ITGB6: variants seen among roughly 807,000 people sequenced by gnomAD.
ITGB6 encodes integrin beta-6.
In ITGB6, 80 loss-of-function variants were observed where a neutral mutation model predicts 84.5. The observed-to-expected ratio is 0.95, with a 90% confidence interval of 0.79 to 1.14. The LOEUF (loss-of-function observed/expected upper bound fraction) is 1.14. Ranked by LOEUF, ITGB6 falls within the 50% of genes most tolerant of loss-of-function variation. ITGB6 has a pLI of 0.00. For missense variants in ITGB6, 1,006 were observed against 968.0 expected, an observed-to-expected ratio of 1.04 and a Z score of -0.52; for synonymous variants, 383 against 354.9, an observed-to-expected ratio of 1.08 and a Z score of -0.89.
At chr2:160,131,625 C>A (rs1574065630) in intron 10 of ITGB6, among the ~76,000 whole-genome samples, 1 of 152,244 alleles carries the variant, frequency 6.6e-6, no homozygotes, top group East Asian at 1.9e-4. Context: ...TTTCATTATA[C>A]CATTTGAAAG....
At chr2:160,128,262 G>A (rs567820581) in intron 10 of ITGB6, among the ~76,000 whole-genome samples, 15 of 129,886 alleles carry the variant, frequency 1.2e-4, no homozygotes, top group African/African-American at 4.1e-4. Context: ...TGAAAGATAC[G>A]GGTAGACAAT....
chr2:160,198,220 AT>A (rs979444703), intron 2 of ITGB6, among the ~76,000 whole-genome samples: 2 of 151,906 alleles, frequency 1.3e-5, no homozygotes, highest in Admixed American at 6.6e-5. Context: ...ATTCTCTTGA[AT>A]TTTTTTTGTG....
chr2:160,186,841 A>G (rs1685919375), intron 4 of ITGB6, among the ~76,000 whole-genome samples: 1 of 152,176 alleles, frequency 6.6e-6, no homozygotes, highest in African/African-American at 2.4e-5. Context: ...TCAAACCATC[A>G]TACTCAGCAA....
chr2:160,128,930 G>A (rs919812932), intron 10 of ITGB6, among the ~76,000 whole-genome samples: 1 of 152,118 alleles, frequency 6.6e-6, no homozygotes, highest in African/African-American at 2.4e-5. Flanking sequence ...ATATGGGCCT[G>A]AAGTTTGGGG....
At chr2:160,149,712 A>C (rs1684337223) in intron 7 of ITGB6, among the ~76,000 whole-genome samples, 1 of 152,166 alleles carries the variant, frequency 6.6e-6, no homozygotes, top group Non-Finnish European at 1.5e-5. Flanking sequence ...ACCTTGAAAA[A>C]AGATTGGACA....
At chr2:160,146,820 G>A (rs1384549848) in intron 7 of ITGB6, among the ~76,000 whole-genome samples, 1 of 152,266 alleles carries the variant, frequency 6.6e-6, no homozygotes, top group Non-Finnish European at 1.5e-5. Context: ...TAGAATATAA[G>A]GTAGGCTCAG....
intron 12 of ITGB6, among the ~76,000 whole-genome samples, chr2:160,117,820 T>C (rs1204114135): frequency 6.6e-6 from 1 of 152,166 alleles, no homozygotes; most frequent in African/African-American, 2.4e-5. Flanking sequence ...CAATAAAACA[T>C]GATAAAGGGG....
At chr2:160,109,399 C>G (rs1018203737) in intron 13 of ITGB6, among the ~76,000 whole-genome samples, 5 of 152,162 alleles carry the variant, frequency 3.3e-5, no homozygotes, top group African/African-American at 1.2e-4. Flanking sequence ...ACATCTTTGG[C>G]TAAGAAATGC....
At chr2:160,119,921 C>T (rs1158911421) in intron 12 of ITGB6, among the ~76,000 whole-genome samples, 1 of 152,148 alleles carries the variant, frequency 6.6e-6, no homozygotes, top group Non-Finnish European at 1.5e-5. Flanking sequence ...AAAAAATGCT[C>T]ATCATCACGG....
intron 4 of ITGB6, among the ~76,000 whole-genome samples, chr2:160,174,867 G>A (rs1344275244): frequency 6.6e-6 from 1 of 152,154 alleles, no homozygotes; most frequent in Admixed American, 6.6e-5. Flanking sequence ...GCGGATAATC[G>A]TATAGAGGAG....
intron 10 of ITGB6, among the ~76,000 whole-genome samples, chr2:160,131,610 T>C (rs1460080964): frequency 6.6e-6 from 1 of 152,182 alleles, no homozygotes; most frequent in South Asian, 2.1e-4. Context: ...TATAAATGCA[T>C]TTACTTTCAT....
chr2:160,128,578 C>T (rs1339313239), intron 10 of ITGB6, among the ~76,000 whole-genome samples: 20 of 152,086 alleles, frequency 1.3e-4, no homozygotes, highest in Non-Finnish European at 4.4e-5. Context: ...CAAGGCGGTG[C>T]CCATGGGAGC....
intron 7 of ITGB6, among the ~76,000 whole-genome samples, chr2:160,143,558 C>T (rs1253048716): frequency 2.0e-5 from 3 of 152,170 alleles, no homozygotes; most frequent in African/African-American, 7.2e-5. Flanking sequence ...CTCTTTCTTT[C>T]AGCTGTGGTC....
intron 4 of ITGB6, among the ~76,000 whole-genome samples, chr2:160,191,496 CA>C (rs1365317320): frequency 2.0e-5 from 3 of 151,946 alleles, no homozygotes. Flanking sequence ...AAAAACTTAC[CA>C]AGCAAGGAAT....
chr2:160,105,327 C>G (rs1045341524), intron 14 of ITGB6, among the ~76,000 whole-genome samples: 5 of 152,072 alleles, frequency 3.3e-5, no homozygotes, highest in Admixed American at 2.0e-4. Context: ...CAGTCATGTT[C>G]TACATCCTGA....
intron 7 of ITGB6, among the ~76,000 whole-genome samples, chr2:160,145,333 C>G (rs1022808461): frequency 6.6e-6 from 1 of 152,100 alleles, no homozygotes; most frequent in Non-Finnish European, 1.5e-5. Flanking sequence ...TATGGATTTT[C>G]CCTGTCCTCC....
chr2:160,145,114 CGTT>C (rs2105829128), intron 7 of ITGB6, among the ~76,000 whole-genome samples: 1 of 152,192 alleles, frequency 6.6e-6, no homozygotes, highest in South Asian at 2.1e-4. Flanking sequence ...TATTATAAAT[CGTT>C]GTAATTAAAC....
chr2:160,195,034 A>T (rs1227320447), intron 4 of ITGB6, among the ~76,000 whole-genome samples: 1 of 152,234 alleles, frequency 6.6e-6, no homozygotes, highest in Non-Finnish European at 1.5e-5. Flanking sequence ...GAGGCTAGAA[A>T]GTGTCTGAGA....
intron 12 of ITGB6, 145 bp from the exon 13 acceptor site, chr2:160,112,344 T>A: frequency 1.3e-6 from 1 of 750,620 alleles, no homozygotes; most frequent in Non-Finnish European, 2.1e-6. Context: ...TTTTTTTTTT[T>A]CTCATGAAGT....
Sources: gnomAD v4.1 joint callset for allele counts (sites outside exome capture counted in the v4.1 genomes callset) on GRCh38, gnomAD v4.1.1 for gene constraint, MANE v1.5 for transcripts, NCBI Gene and HGNC (gene_info 2026-07-23, HGNC 2026-07-21) for gene names.